The following ARMH4 variants were observed in gnomAD, a reference collection of about 807,000 sequenced individuals.
ARMH4 encodes armadillo-like helical domain-containing protein 4.
A neutral mutation model predicts 61.9 loss-of-function variants in ARMH4; 49 were observed. The ratio of observed to expected loss-of-function variants is 0.79; its 90% confidence interval spans 0.63 to 1.00. ARMH4 has a LOEUF of 1.00. Among genes scored for constraint, ARMH4 ranks in the 50% least tolerant of loss-of-function variants. The probability of loss-of-function intolerance (pLI) is 0.00; values close to 1 mark genes in which losing one functional copy is unlikely to be tolerated. For missense variants in ARMH4, 934 were observed against 930.0 expected (o/e 1.00, Z -0.06); for synonymous variants, 368 against 341.5 (o/e 1.08, Z -0.85).
intron 5 of ARMH4, among the ~76,000 whole-genome samples, chr14:58,083,225 A>G (rs570804382): frequency 8.4e-4 from 128 of 152,344 alleles, no homozygotes; most frequent in African/African-American, 2.5e-3. Context: ...TTTTTTCATT[A>G]GCAAGCTATT....
intron 4 of ARMH4, among the ~76,000 whole-genome samples, chr14:58,106,802 G>GA (rs398025220): frequency 0.39 from 56,464 of 146,206 alleles, 12,491 homozygotes; most frequent in Non-Finnish European, 0.52. Flanking sequence ...CTTGGTAGGT[G>GA]AAAAAAAAAA....
At chr14:58,018,154 G>T (rs369175434) in intron 5 of ARMH4, among the ~76,000 whole-genome samples, 1 of 152,102 alleles carries the variant, frequency 6.6e-6, no homozygotes, top group Admixed American at 6.5e-5. Flanking sequence ...ATATAAGACC[G>T]GAAATTATAA....
intron 4 of ARMH4, among the ~76,000 whole-genome samples, chr14:58,109,122 C>G (rs1347201209): frequency 6.6e-6 from 1 of 152,106 alleles, no homozygotes. Flanking sequence ...TTTTCACTTT[C>G]TTTCTAGCAT....
chr14:58,055,249 T>C (rs1448698565), intron 5 of ARMH4, among the ~76,000 whole-genome samples: 1 of 152,192 alleles, frequency 6.6e-6, no homozygotes, highest in Non-Finnish European at 1.5e-5. Flanking sequence ...TTTCCTCTCA[T>C]AGATTAATTC....
chr14:58,122,631 A>G (rs1203649489), intron 4 of ARMH4, among the ~76,000 whole-genome samples: 2 of 152,134 alleles, frequency 1.3e-5, no homozygotes, highest in African/African-American at 4.8e-5. Context: ...ATAAAAAAAA[A>G]GGCCACCGCT....
chr14:58,036,081 G>C (rs1883472944), intron 5 of ARMH4, among the ~76,000 whole-genome samples: 1 of 118,604 alleles, frequency 8.4e-6, no homozygotes, highest in Non-Finnish European at 1.9e-5. Flanking sequence ...ACCAAAGCCG[G>C]GCAGAGACAC....
chr14:58,130,711 T>C (rs1360221767), intron 4 of ARMH4, among the ~76,000 whole-genome samples: 3 of 152,190 alleles, frequency 2.0e-5, no homozygotes, highest in Non-Finnish European at 4.4e-5. Context: ...TTGGTCTTAG[T>C]AAATAAAGAG....
intron 5 of ARMH4, among the ~76,000 whole-genome samples, chr14:58,048,379 T>C (rs1433886032): frequency 6.6e-6 from 1 of 152,210 alleles, no homozygotes; most frequent in Non-Finnish European, 1.5e-5. Context: ...GATTAAATGG[T>C]TGTGCGACTT....
intron 5 of ARMH4, among the ~76,000 whole-genome samples, chr14:58,064,902 T>C (rs886656627): frequency 1.3e-5 from 2 of 152,170 alleles, no homozygotes; most frequent in African/African-American, 2.4e-5. Flanking sequence ...ATCTAGGTAA[T>C]GCTGGATCTT....
rs558708732 is a variant in ARMH4 at position 58,091,151 on chromosome 14, G to A, written c.2089+5573C>T. On this transcript the variant is annotated intron_variant, in intron 5 of 7. Coordinates refer to ENST00000267485, the MANE Select transcript of ARMH4 (RefSeq NM_001001872.4). ...CACTTGAACTCAGGAGGTGGAGGTT[G>A]TAGTGAGCCAAGATCACGCCACTGC... Among the ~76,000 whole-genome samples, 8 of 152,120 alleles carry A rather than the reference G, an allele frequency of 5.3e-5. No homozygotes were observed. In the South Asian group the frequency reaches 1.7e-3, roughly 32 times the overall value.
chr14:58,093,168 A>G (rs1594752253), intron 5 of ARMH4, among the ~76,000 whole-genome samples: 1 of 152,130 alleles, frequency 6.6e-6, no homozygotes, highest in East Asian at 1.9e-4. Flanking sequence ...ATGATTGTAA[A>G]TTTCCTGAGG....
chr14:58,045,652 G>T (rs1332214225), intron 5 of ARMH4, among the ~76,000 whole-genome samples: 3 of 151,140 alleles, frequency 2.0e-5, no homozygotes, highest in East Asian at 3.9e-4. Flanking sequence ...GTTGAATTTT[G>T]TCCCCTAAAA....
intron 5 of ARMH4, among the ~76,000 whole-genome samples, chr14:58,014,144 T>C (rs184163403): frequency 1.4e-3 from 213 of 152,282 alleles, no homozygotes; most frequent in African/African-American, 4.9e-3. Context: ...CTCCTTCAAG[T>C]TGAAAATGTG....
intron 4 of ARMH4, among the ~76,000 whole-genome samples, chr14:58,117,088 A>G (rs1461235152): frequency 2.0e-5 from 3 of 152,182 alleles, no homozygotes; most frequent in Non-Finnish European, 4.4e-5. Flanking sequence ...AGTAGCTGGG[A>G]TTACAGGCAT....
chr14:58,099,461 G>A (rs1307401493), intron 4 of ARMH4, among the ~76,000 whole-genome samples: 1 of 152,086 alleles, frequency 6.6e-6, no homozygotes, highest in African/African-American at 2.4e-5. Context: ...AGAGACTGAG[G>A]GTGTCCCTCT....
intron 5 of ARMH4, among the ~76,000 whole-genome samples, chr14:58,032,540 G>C (rs985013839): frequency 2.0e-5 from 3 of 152,116 alleles, no homozygotes; most frequent in East Asian, 1.9e-4. Flanking sequence ...GAAATACTTA[G>C]GGGAGGAGCC....
At chr14:58,140,550 C>T (rs957809410) in intron 1 of ARMH4, among the ~76,000 whole-genome samples, 1 of 151,830 alleles carries the variant, frequency 6.6e-6, no homozygotes. Flanking sequence ...CACTGCACTC[C>T]AGCCTGGACA....
intron 5 of ARMH4, among the ~76,000 whole-genome samples, chr14:58,031,247 T>C (rs1368369787): frequency 6.6e-6 from 1 of 152,190 alleles, no homozygotes; most frequent in Non-Finnish European, 1.5e-5. Context: ...ACACTAGAAA[T>C]AAAATCTGAT....
intron 5 of ARMH4, among the ~76,000 whole-genome samples, chr14:58,071,152 C>T (rs535462599): frequency 1.9e-4 from 28 of 149,196 alleles, no homozygotes; most frequent in African/African-American, 6.1e-4. Flanking sequence ...ATATAATATA[C>T]GTTATATATA....
Sources: allele counts gnomAD v4.1 joint callset (sites outside exome capture counted in the v4.1 genomes callset), GRCh38; gene constraint gnomAD v4.1.1; transcripts MANE v1.5; gene names NCBI Gene and HGNC (gene_info 2026-07-23, HGNC 2026-07-21).